Variants in CACNA1A observed in about 807,000 individuals in gnomAD.
CACNA1A encodes the protein calcium voltage-gated channel subunit alpha1 A, also known as voltage-dependent P/Q-type calcium channel subunit alpha-1A.
CACNA1A carries 57 observed loss-of-function variants against 262.4 expected under a neutral mutation model. That is an observed-to-expected ratio of 0.22 (90% confidence interval 0.18 to 0.27). The LOEUF (loss-of-function observed/expected upper bound fraction) is 0.27. CACNA1A is among the 10% of genes least tolerant of loss of function. CACNA1A has a pLI of 1.00. For synonymous variants in CACNA1A, 1,431 were observed against 1,419.3 expected (o/e 1.01, Z -0.18); for missense variants, 2,526 against 3,562.8 (o/e 0.71, Z 7.41).
chr19:13,484,202 G>C (rs1294555073), intron 1 of CACNA1A, among the ~76,000 whole-genome samples: 1 of 152,114 alleles, frequency 6.6e-6, no homozygotes, highest in Non-Finnish European at 1.5e-5. Context: ...CCATAGTGTC[G>C]GTTTGGGTAA....
intron 10 of CACNA1A, among the ~76,000 whole-genome samples, chr19:13,324,334 A>G (rs2058311082): frequency 6.6e-6 from 1 of 152,184 alleles, no homozygotes; most frequent in East Asian, 1.9e-4. Flanking sequence ...ATTGCATTGC[A>G]TTGCATCGCA....
intron 1 of CACNA1A, among the ~76,000 whole-genome samples, chr19:13,468,947 C>T (rs533036913): frequency 1.3e-5 from 2 of 152,220 alleles, no homozygotes; most frequent in Admixed American, 1.3e-4. Context: ...CCCAGAAAAA[C>T]CAGTGAGAAG....
At chr19:13,501,396 G>A (rs1346197035) in intron 1 of CACNA1A, among the ~76,000 whole-genome samples, 4 of 151,822 alleles carry the variant, frequency 2.6e-5, no homozygotes, top group East Asian at 1.9e-4. Flanking sequence ...GGCTGGTCTC[G>A]AACTCCTGAC....
chr19:13,265,975 G>A (rs771223276), intron 24 of CACNA1A, among the ~76,000 whole-genome samples: 1 of 151,838 alleles, frequency 6.6e-6, no homozygotes, highest in African/African-American at 2.4e-5. Flanking sequence ...CTCCCGAGTA[G>A]CTGGGATTAC....
intron 3 of CACNA1A, among the ~76,000 whole-genome samples, chr19:13,449,210 T>C (rs1190234058): frequency 1.3e-5 from 2 of 151,726 alleles, no homozygotes; most frequent in Non-Finnish European, 2.9e-5. Context: ...TCAAGCAGTC[T>C]TCCTGCCCTG....
At chr19:13,338,417 TTAGA>T (rs1181131617) in intron 6 of CACNA1A, among the ~76,000 whole-genome samples, 2 of 152,110 alleles carry the variant, frequency 1.3e-5, no homozygotes, top group Non-Finnish European at 2.9e-5. Flanking sequence ...ATCACTACAA[TTAGA>T]TAGTAATTCC....
At chr19:13,310,600 G>C (rs2058016105) in intron 12 of CACNA1A, among the ~76,000 whole-genome samples, 1 of 143,654 alleles carries the variant, frequency 7.0e-6, no homozygotes, top group Non-Finnish European at 1.5e-5. Context: ...GCCTCCTTCT[G>C]TGCCATGTTA....
intron 4 of CACNA1A, among the ~76,000 whole-genome samples, chr19:13,370,196 G>C (rs1455435246): frequency 2.0e-5 from 3 of 151,906 alleles, no homozygotes; most frequent in African/African-American, 7.3e-5. Flanking sequence ...CGCCCCCCGG[G>C]TTCAAGTGAT....
intron 1 of CACNA1A, among the ~76,000 whole-genome samples, chr19:13,486,173 G>A (rs1979954504): frequency 6.6e-6 from 1 of 152,228 alleles, no homozygotes; most frequent in Non-Finnish European, 1.5e-5. Flanking sequence ...AAGAAAGCAA[G>A]CGAATGGTTC....
chr19:13,411,053 C>CT (rs1379854082), intron 3 of CACNA1A, among the ~76,000 whole-genome samples: 1 of 152,116 alleles, frequency 6.6e-6, no homozygotes, highest in Non-Finnish European at 1.5e-5. Context: ...TCTGACTTAC[C>CT]TTTTTTGAAT....
chr19:13,406,468 TATATATATATATATATATA>T (rs1568614396), intron 3 of CACNA1A, among the ~76,000 whole-genome samples: 416 of 13,782 alleles, frequency 0.03, 25 homozygotes, highest in African/African-American at 0.077. Context: ...AAAAAAATTA[TATATATATATATATATATA>T]TATATATATA....
chr19:13,250,385 A>T (rs776156132), intron 30 of CACNA1A, among the ~76,000 whole-genome samples: 19 of 147,146 alleles, frequency 1.3e-4, no homozygotes, highest in Non-Finnish European at 1.9e-4. Context: ...AATAATTTTA[A>T]TTTAATTTAA....
At chr19:13,437,925 T>A (rs1297350221) in intron 3 of CACNA1A, among the ~76,000 whole-genome samples, 1 of 152,000 alleles carries the variant, frequency 6.6e-6, no homozygotes. Context: ...TCTGTGCATG[T>A]CAGCATGGCA....
At chr19:13,492,856 G>A (rs1344102629) in intron 1 of CACNA1A, among the ~76,000 whole-genome samples, 2 of 152,054 alleles carry the variant, frequency 1.3e-5, no homozygotes, top group South Asian at 2.1e-4. Context: ...ATGAATGAAC[G>A]CACTCCTTCC....
At chr19:13,406,934 CACACACACACAA>C (rs1318657691) in intron 3 of CACNA1A, among the ~76,000 whole-genome samples, 1 of 151,674 alleles carries the variant, frequency 6.6e-6, no homozygotes, top group Non-Finnish European at 1.5e-5. Flanking sequence ...CAAGCACATT[CACACACACACAA>C]ACACACACAC....
rs772489659 is a variant in CACNA1A, at chr19:13,214,244, G to A, written c.5929C>T (p.Arg1977Cys). 1.2e-5 allele frequency: 20 copies of A among 1,608,878 alleles called. No individual in the cohort carries two copies. The highest frequency in any genetic ancestry group is 2.2e-5 in the East Asian group (1 of 44,852). The change falls in exon 40 of 47, where the codon CGC becomes TGC. Residue 1977 changes from arginine (R) to cysteine (C), a missense_variant. Physicochemically the swap from Arg to Cys is radical, Grantham distance 180. This residue lies in a region of CACNA1A where 929 missense variants were observed against 868.1 expected (regional missense o/e 1.07). Coordinates refer to ENST00000360228, the MANE Select transcript of CACNA1A (RefSeq NM_001127222.2). The surrounding 1 kb of genome is among the most constrained non-coding windows in gnomAD (Gnocchi z 4.1). ...GGCGAACAGCGCACCTGCTCCTCGC[G>A]CATGGCCTGCAGCTTCTTGGCCTTG... is the stretch of plus-strand genomic sequence containing the variant. Reference protein sequence around the residue: ...QSKAKKLQAMREEQDRTPLMF... With the variant: ...QSKAKKLQAMCEEQDRTPLMF...
At chr19:13,268,050 A>G (rs2056909037) in intron 24 of CACNA1A, among the ~76,000 whole-genome samples, 1 of 152,076 alleles carries the variant, frequency 6.6e-6, no homozygotes, top group Admixed American at 6.6e-5. Flanking sequence ...AGTGTGAGCC[A>G]CTGCATCCTG....
chr19:13,358,514 C>T (rs182123828), intron 6 of CACNA1A, among the ~76,000 whole-genome samples: 128 of 152,276 alleles, frequency 8.4e-4, no homozygotes, highest in Non-Finnish European at 7.6e-4. Context: ...CAGAATTGAA[C>T]AGCATGTATA....
At chr19:13,294,935 T>C (rs1317426723) in intron 19 of CACNA1A, among the ~76,000 whole-genome samples, 1 of 152,206 alleles carries the variant, frequency 6.6e-6, no homozygotes, top group Non-Finnish European at 1.5e-5. Context: ...TCTTTGTCAC[T>C]TTCTCGTCAC....
Sources: allele counts gnomAD v4.1 joint callset (sites outside exome capture counted in the v4.1 genomes callset), GRCh38; gene constraint gnomAD v4.1.1; regional missense constraint gnomAD v4.1.1; non-coding constraint Gnocchi (gnomAD v3.1); transcripts MANE v1.5; gene names NCBI Gene and HGNC (gene_info 2026-07-23, HGNC 2026-07-21).